Variants in FRMD4A observed in about 807,000 individuals in gnomAD.
FRMD4A encodes the protein FERM domain-containing protein 4A.
A neutral mutation model predicts 129.1 loss-of-function variants in FRMD4A; 29 were observed. That is an observed-to-expected ratio of 0.22 (90% CI 0.17 to 0.31). The LOEUF (loss-of-function observed/expected upper bound fraction) is 0.31. Among genes scored for constraint, FRMD4A ranks in the 10% least tolerant of loss-of-function variants. FRMD4A has a pLI of 1.00. For missense variants in FRMD4A, 1,272 were observed against 1,375.8 expected, an observed-to-expected ratio of 0.92 and a Z score of 1.19; for synonymous variants, 634 against 571.6, an observed-to-expected ratio of 1.11 and a Z score of -1.56.
At chr10:14,054,009 C>CA (rs950152812) in intron 2 of FRMD4A, among the ~76,000 whole-genome samples, 8 of 151,798 alleles carry the variant, frequency 5.3e-5, no homozygotes, top group South Asian at 2.1e-4. Context: ...CCTGTCCCTA[C>CA]AAAATTTTTT....
chr10:14,062,873 C>A lies in FRMD4A; in HGVS notation c.46-203961G>T, dbSNP rs571009558. 2.6e-4 allele frequency among the ~76,000 whole-genome samples: 39 copies of A among 152,318 alleles called. 1 individual carries two copies. Among genetic ancestry groups the A allele is most frequent in the Admixed American group, 1.4e-3 (22 of 15,304 alleles). ...TGCACTCCAGTGAAAGGGGAAGATA[C>A]ATGGATGGTGGGTGGGCAACCTACA... On this transcript the variant is annotated intron_variant, in intron 2 of 24. Transcript: ENST00000357447.
chr10:13,864,577 CTTTT>C (rs60899227), intron 2 of FRMD4A, among the ~76,000 whole-genome samples: 7 of 136,982 alleles, frequency 5.1e-5, no homozygotes, highest in Admixed American at 7.4e-5. Context: ...TTCTTTCTTT[CTTTT>C]TTTTTTTTTT....
At chr10:14,148,795 A>G (rs1840205250) in intron 2 of FRMD4A, among the ~76,000 whole-genome samples, 1 of 151,964 alleles carries the variant, frequency 6.6e-6, no homozygotes, top group Admixed American at 6.6e-5. Flanking sequence ...CAATGAGAAT[A>G]ATCTCCTCCA....
chr10:14,243,705 C>T (rs1178192054), intron 2 of FRMD4A, among the ~76,000 whole-genome samples: 1 of 150,414 alleles, frequency 6.6e-6, no homozygotes, highest in East Asian at 2.0e-4. Flanking sequence ...TTTCAGAAGA[C>T]AGAAAAAAAA....
chr10:14,300,347 T>A (rs376933583), intron 2 of FRMD4A, among the ~76,000 whole-genome samples: 27 of 152,156 alleles, frequency 1.8e-4, no homozygotes, highest in African/African-American at 6.5e-4. Context: ...TGCACCAAGC[T>A]TAGAATAAAA....
intron 2 of FRMD4A, among the ~76,000 whole-genome samples, chr10:14,135,644 C>G (rs1485551767): frequency 6.6e-6 from 1 of 152,188 alleles, no homozygotes; most frequent in Non-Finnish European, 1.5e-5. Flanking sequence ...GAGGAAGATT[C>G]AGGTTTGTGC....
intron 6 of FRMD4A, among the ~76,000 whole-genome samples, chr10:13,768,108 G>A (rs542832292): frequency 1.3e-5 from 2 of 152,176 alleles, no homozygotes; most frequent in East Asian, 1.9e-4. Flanking sequence ...GTGTGCGAAC[G>A]TGCTCTGAGT....
intron 2 of FRMD4A, among the ~76,000 whole-genome samples, chr10:14,040,784 C>T (rs778464408): frequency 4.6e-5 from 7 of 152,286 alleles, no homozygotes; most frequent in South Asian, 4.1e-4. Flanking sequence ...GGAAATAAGA[C>T]GGAGACGCCA....
At chr10:14,121,578 G>A (rs144520996) in intron 2 of FRMD4A, among the ~76,000 whole-genome samples, 1,754 of 152,288 alleles carry the variant, frequency 0.012, 39 homozygotes, top group African/African-American at 0.04. Flanking sequence ...ATGCCACTGA[G>A]AGGTGTGAAA....
intron 12 of FRMD4A, among the ~76,000 whole-genome samples, chr10:13,730,952 C>T (rs2090281367): frequency 6.6e-6 from 1 of 151,294 alleles, no homozygotes; most frequent in Non-Finnish European, 1.5e-5. Flanking sequence ...TGCTTGAACC[C>T]AGGAGGCAGA....
At chr10:14,128,430 T>C (rs1011531095) in intron 2 of FRMD4A, among the ~76,000 whole-genome samples, 1 of 152,082 alleles carries the variant, frequency 6.6e-6, no homozygotes, top group African/African-American at 2.4e-5. Context: ...TACATAAAAT[T>C]ATAAGTACAC....
chr10:14,142,857 C>A (rs1839904163), intron 2 of FRMD4A, among the ~76,000 whole-genome samples: 1 of 152,084 alleles, frequency 6.6e-6, no homozygotes. Flanking sequence ...GACATTTCTC[C>A]AAAGAAGAAA....
chr10:13,979,286 A>T (rs1303362083), intron 2 of FRMD4A, among the ~76,000 whole-genome samples: 1 of 152,320 alleles, frequency 6.6e-6, no homozygotes, highest in African/African-American at 2.4e-5. Context: ...GGTCCTGCTC[A>T]TAAGAAAAGG....
intron 2 of FRMD4A, among the ~76,000 whole-genome samples, chr10:13,921,248 T>TTCTC (rs1263400403): frequency 2.7e-5 from 2 of 74,778 alleles, no homozygotes; most frequent in Admixed American, 1.6e-4. Context: ...CTTTCTCTCT[T>TTCTC]TCTCTCTCTC....
At chr10:14,011,185 T>G (rs1490071198) in intron 2 of FRMD4A, among the ~76,000 whole-genome samples, 1 of 152,160 alleles carries the variant, frequency 6.6e-6, no homozygotes, top group South Asian at 2.1e-4. Context: ...GGAAGATACA[T>G]CCATTGAACC....
chr10:14,101,170 A>C (rs1247825288), intron 2 of FRMD4A, among the ~76,000 whole-genome samples: 2 of 152,336 alleles, frequency 1.3e-5, no homozygotes, highest in Non-Finnish European at 2.9e-5. Flanking sequence ...ATAACAAAAA[A>C]GTTTGAAAAT....
intron 2 of FRMD4A, among the ~76,000 whole-genome samples, chr10:14,197,883 A>G (rs1842518185): frequency 6.6e-6 from 1 of 152,230 alleles, no homozygotes; most frequent in African/African-American, 2.4e-5. Context: ...TCCACGAGAC[A>G]GAATATTCTA....
intron 2 of FRMD4A, among the ~76,000 whole-genome samples, chr10:13,876,174 C>T (rs1228569198): frequency 6.6e-6 from 1 of 152,222 alleles, no homozygotes; most frequent in East Asian, 1.9e-4. Flanking sequence ...GATCCCTTCC[C>T]TTCCTCTCCA....
chr10:13,943,266 G>T (rs1009625510), intron 2 of FRMD4A, among the ~76,000 whole-genome samples: 1 of 152,152 alleles, frequency 6.6e-6, no homozygotes, highest in African/African-American at 2.4e-5. Context: ...GGTGCAGTGA[G>T]AGTAACAGAG....
Sources: gnomAD v4.1 joint callset for allele counts (sites outside exome capture counted in the v4.1 genomes callset) on GRCh38, gnomAD v4.1.1 for gene constraint, MANE v1.5 for transcripts, NCBI Gene and HGNC (gene_info 2026-07-23, HGNC 2026-07-21) for gene names.